Variants in DPRX observed in about 807,000 individuals in gnomAD.
The protein encoded by DPRX is divergent paired-related homeobox.
Under a neutral mutation model 8.4 loss-of-function variants are expected in DPRX, and 11 were observed. The ratio of observed to expected loss-of-function variants is 1.31; its 90% CI spans 0.82 to 2.17. DPRX has a LOEUF of 2.17. Ranked by LOEUF, DPRX falls within the 30% of genes most tolerant of loss-of-function variation. The pLI is 0.00. For synonymous variants in DPRX, 72 were observed against 87.0 expected (o/e 0.83, Z 0.96); for missense variants, 211 against 236.7 (o/e 0.89, Z 0.71).
At chr19:53,628,330 A>G (rs1227889029), upstream of DPRX, among the ~76,000 whole-genome samples, 1 of 152,146 alleles carries the variant, frequency 6.6e-6, no homozygotes, top group Non-Finnish European at 1.5e-5. Flanking sequence ...GCAACAGAGC[A>G]AGACCCTGTC....
At chr19:53,612,115 C>T in the DPRX span, among the ~76,000 whole-genome samples, 1 of 151,760 alleles carries the variant, frequency 6.6e-6, no homozygotes, top group African/African-American at 2.4e-5. Flanking sequence ...GGTGCAGTGG[C>T]TCACGCCTGT....
the DPRX span, among the ~76,000 whole-genome samples, chr19:53,614,375 C>G: frequency 2.2e-4 from 33 of 152,228 alleles, no homozygotes; most frequent in East Asian, 6.4e-3. Context: ...GCTCTTACCA[C>G]TGCACTCCAG....
At chr19:53,603,862 C>T in the DPRX span, among the ~76,000 whole-genome samples, 1 of 151,460 alleles carries the variant, frequency 6.6e-6, no homozygotes, top group Non-Finnish European at 1.5e-5. Context: ...TCTCCTGCCT[C>T]GGCCTCCTGA....
rs756785861 is a variant in DPRX at position 53,634,634 on chromosome 19, C to G, written c.132C>G (p.Ser44Arg). ...ATGAGAACCCATACCCAAACCCCAGCCTTCAGAAAGAAATGGCCTCGAAAA... is the reference window on the plus strand; with the variant it reads ...ATGAGAACCCATACCCAAACCCCAGGCTTCAGAAAGAAATGGCCTCGAAAA... Residue 44 changes from serine (S) to arginine (R), a missense_variant, in exon 2 of 3, where the codon AGC becomes AGG. Physicochemically the swap from Ser to Arg is moderately radical, Grantham distance 110. Transcript: ENST00000376650. The G allele has an allele frequency of 3.3e-5, 53 of 1,613,940 alleles. No homozygotes were observed. The highest frequency in any genetic ancestry group is 4.3e-5 in the Non-Finnish European group (51 of 1,179,968).
At chr19:53,618,111 C>T in the DPRX span, among the ~76,000 whole-genome samples, 1 of 150,284 alleles carries the variant, frequency 6.7e-6, no homozygotes, top group Non-Finnish European at 1.5e-5. Context: ...CCACTGCACT[C>T]CAGCCTGGGC....
exon 3 of DPRX, chr19:53,636,919 C>G: frequency 6.2e-7 from 1 of 1,613,698 alleles, no homozygotes; most frequent in Admixed American, 1.7e-5. Context: ...TTTTGGAATC[C>G]CAAGTTTGCG....
At chr19:53,630,247 AG>A (rs2122156220), upstream of DPRX, among the ~76,000 whole-genome samples, 1 of 150,556 alleles carries the variant, frequency 6.6e-6, no homozygotes, top group South Asian at 2.1e-4. Flanking sequence ...GCTGATCAGT[AG>A]TGGAATCAGC....
At chr19:53,631,254 G>A (rs1277833668), upstream of DPRX, among the ~76,000 whole-genome samples, 1 of 150,740 alleles carries the variant, frequency 6.6e-6, no homozygotes, top group African/African-American at 2.4e-5. Context: ...TCGTGCCACT[G>A]CACTCCAGCC....
chr19:53,612,562 C>T, the DPRX span, among the ~76,000 whole-genome samples: 1 of 151,802 alleles, frequency 6.6e-6, no homozygotes, highest in African/African-American at 2.4e-5. Flanking sequence ...CAAAAATTAG[C>T]CGGCCATGCT....
chr19:53,603,215 C>A, the DPRX span: 1 of 412,280 alleles, frequency 2.4e-6, no homozygotes, highest in South Asian at 1.7e-5. Flanking sequence ...CTGTGCCCGG[C>A]CAAAAGTGCG....
chr19:53,607,809 C>T, the DPRX span, among the ~76,000 whole-genome samples: 1 of 151,154 alleles, frequency 6.6e-6, no homozygotes. Context: ...TGAAATTGTG[C>T]GACCGAAATT....
chr19:53,617,515 A>G, the DPRX span, among the ~76,000 whole-genome samples: 4 of 145,904 alleles, frequency 2.7e-5, no homozygotes, highest in East Asian at 2.0e-4. Flanking sequence ...CCGAGATCGC[A>G]CCATTGCACT....
chr19:53,619,272 G>A, the DPRX span, among the ~76,000 whole-genome samples: 1 of 151,976 alleles, frequency 6.6e-6, no homozygotes, highest in Non-Finnish European at 1.5e-5. Context: ...CAGGCGTGGT[G>A]GCTCATGCCT....
the DPRX span, among the ~76,000 whole-genome samples, chr19:53,613,820 T>C: frequency 6.6e-6 from 1 of 152,082 alleles, no homozygotes; most frequent in Non-Finnish European, 1.5e-5. Flanking sequence ...TAAATAATTC[T>C]CAAGGACCAC....
the DPRX span, among the ~76,000 whole-genome samples, chr19:53,618,733 A>T: frequency 4.6e-4 from 67 of 146,400 alleles, no homozygotes; most frequent in African/African-American, 1.6e-3. Flanking sequence ...CCCAGGCTGG[A>T]GTGCAGTGGC....
the DPRX span, among the ~76,000 whole-genome samples, chr19:53,627,007 G>T: frequency 6.6e-6 from 1 of 151,984 alleles, no homozygotes; most frequent in East Asian, 1.9e-4. Context: ...TGCACATCTT[G>T]ACTTCTCAGC....
the DPRX span, among the ~76,000 whole-genome samples, chr19:53,610,733 G>T: frequency 1.3e-5 from 2 of 152,106 alleles, no homozygotes; most frequent in Non-Finnish European, 2.9e-5. Flanking sequence ...TTACGAGTTT[G>T]TTTGTGATTC....
upstream of DPRX, among the ~76,000 whole-genome samples, chr19:53,630,212 C>CAA (rs35045422): frequency 4.5e-3 from 505 of 111,680 alleles, 4 homozygotes; most frequent in African/African-American, 0.017. Context: ...GACTCCATCT[C>CAA]AAAAAAAAAA....
At chr19:53,611,186 G>C in the DPRX span, among the ~76,000 whole-genome samples, 115 of 152,220 alleles carry the variant, frequency 7.6e-4, 2 homozygotes, top group East Asian at 0.022. Flanking sequence ...ACAGGCGCGA[G>C]CCACAGAGCC....
Sources: gnomAD v4.1 joint callset for allele counts (sites outside exome capture counted in the v4.1 genomes callset) on GRCh38, gnomAD v4.1.1 for gene constraint, MANE v1.5 for transcripts, NCBI Gene and HGNC (gene_info 2026-07-23, HGNC 2026-07-21) for gene names.